The following SPON1 variants were observed in gnomAD, a reference collection of about 807,000 sequenced individuals.
SPON1 encodes the protein spondin 1.
SPON1 carries 52 observed loss-of-function variants against 111.7 expected under a neutral mutation model. The observed-to-expected ratio is 0.47, with a 90% CI of 0.37 to 0.59. SPON1 has a LOEUF of 0.59. Among genes scored for constraint, SPON1 ranks in the 20% least tolerant of loss-of-function variants. SPON1 has a pLI of 0.00. For synonymous variants in SPON1, 410 were observed against 395.8 expected, an observed-to-expected ratio of 1.04 and a Z score of -0.43; for missense variants, 957 against 1,068.5, an observed-to-expected ratio of 0.90 and a Z score of 1.46.
chr11:14,235,678 CAAAAAAAAA>C (rs56925967), intron 6 of SPON1, among the ~76,000 whole-genome samples: 32 of 71,388 alleles, frequency 4.5e-4, no homozygotes, highest in African/African-American at 1.4e-3. Context: ...GACCCTGCCT[CAAAAAAAAA>C]AAAAAAAAAA....
chr11:14,226,485 G>C (rs767713928), intron 6 of SPON1, among the ~76,000 whole-genome samples: 1 of 152,212 alleles, frequency 6.6e-6, no homozygotes, highest in African/African-American at 2.4e-5. Flanking sequence ...GTGGTTCACT[G>C]TTGCTGTCCA....
intron 2 of SPON1, among the ~76,000 whole-genome samples, chr11:13,993,722 C>G (rs1476427634): frequency 1.3e-5 from 2 of 152,186 alleles, no homozygotes; most frequent in Admixed American, 6.5e-5. Context: ...ACTATAAGAT[C>G]TACAGGGCAG....
intron 6 of SPON1, among the ~76,000 whole-genome samples, chr11:14,226,837 G>T (rs553963430): frequency 6.6e-6 from 1 of 152,174 alleles, no homozygotes; most frequent in Admixed American, 6.5e-5. Context: ...TACAAGCAGC[G>T]CTGGTTCCTT....
At chr11:14,050,975 G>A (rs1432721401) in intron 3 of SPON1, among the ~76,000 whole-genome samples, 3 of 152,200 alleles carry the variant, frequency 2.0e-5, no homozygotes, top group African/African-American at 4.8e-5. Flanking sequence ...CAGGCAAGAC[G>A]TGCATCATCC....
At chr11:14,053,514 A>G (rs542265360) in intron 3 of SPON1, among the ~76,000 whole-genome samples, 1 of 152,336 alleles carries the variant, frequency 6.6e-6, no homozygotes, top group African/African-American at 2.4e-5. Flanking sequence ...TCCCCATTGT[A>G]TGGATATACC....
intron 7 of SPON1, among the ~76,000 whole-genome samples, chr11:14,248,668 A>T (rs1404226541): frequency 6.6e-6 from 1 of 152,190 alleles, no homozygotes; most frequent in Non-Finnish European, 1.5e-5. Context: ...TGTTTTGCAG[A>T]AACAGCCTTG....
At chr11:14,101,970 C>G (rs1849147217) in intron 5 of SPON1, among the ~76,000 whole-genome samples, 1 of 152,172 alleles carries the variant, frequency 6.6e-6, no homozygotes, top group Admixed American at 6.5e-5. Flanking sequence ...CTTTATCATT[C>G]TCTCACCATA....
chr11:13,981,269 G>C (rs1554909594), intron 1 of SPON1, among the ~76,000 whole-genome samples: 1 of 152,132 alleles, frequency 6.6e-6, no homozygotes, highest in Non-Finnish European at 1.5e-5. Context: ...GGGTCCAATG[G>C]GATGGAGGAC....
intron 6 of SPON1, among the ~76,000 whole-genome samples, chr11:14,166,861 T>C (rs565749661): frequency 1.3e-5 from 2 of 152,102 alleles, no homozygotes; most frequent in Non-Finnish European, 2.9e-5. Flanking sequence ...TCCAGCATTA[T>C]TCATCAGAAT....
intron 6 of SPON1, among the ~76,000 whole-genome samples, chr11:14,187,588 G>A (rs1848298861): frequency 6.6e-6 from 1 of 152,060 alleles, no homozygotes; most frequent in Non-Finnish European, 1.5e-5. Context: ...CAGTTAGTTT[G>A]GGGTCCTAAA....
At chr11:14,180,477 T>C (rs1274851299) in intron 6 of SPON1, among the ~76,000 whole-genome samples, 1 of 152,240 alleles carries the variant, frequency 6.6e-6, no homozygotes, top group Non-Finnish European at 1.5e-5. Context: ...CCACTTGCAA[T>C]GCCCATTCCC....
At chr11:14,038,194 G>A (rs1186502016) in intron 2 of SPON1, among the ~76,000 whole-genome samples, 1 of 143,182 alleles carries the variant, frequency 7.0e-6, no homozygotes, top group Non-Finnish European at 1.5e-5. Context: ...GACTGGGCGT[G>A]GCAGCTCATG....
chr11:14,014,318 T>C (rs911232710), intron 2 of SPON1, among the ~76,000 whole-genome samples: 1 of 152,142 alleles, frequency 6.6e-6, no homozygotes, highest in Admixed American at 6.5e-5. Flanking sequence ...ACCACAGCAT[T>C]CCACAGATTC....
intron 2 of SPON1, among the ~76,000 whole-genome samples, chr11:14,002,494 G>A (rs1554912550): frequency 6.6e-6 from 1 of 152,150 alleles, no homozygotes. Flanking sequence ...AAGCTGATCT[G>A]CAGAGGGAAA....
At chr11:14,186,264 GAAT>G (rs1392887405) in intron 6 of SPON1, among the ~76,000 whole-genome samples, 1 of 152,218 alleles carries the variant, frequency 6.6e-6, no homozygotes, top group African/African-American at 2.4e-5. Context: ...ATTGTGAAAA[GAAT>G]AATTGCCAGA....
chr11:14,015,358 G>A lies in SPON1; in HGVS notation c.346-26163G>A, dbSNP rs575884654. Among the ~76,000 whole-genome samples the A allele has an allele frequency of 5.1e-4, 78 of 152,230 alleles. 1 individual carries two copies. The highest frequency in any genetic ancestry group is 1.9e-3 in the African/African-American group (77 of 41,532). Reference sequence around the variant, plus strand: ...GGGGACAAGCACTGTGTCCTCAGGTGGTAGAAGGGATAATATAAGCAGTTT... The same window carrying A: ...GGGGACAAGCACTGTGTCCTCAGGTAGTAGAAGGGATAATATAAGCAGTTT... On this transcript the variant is annotated intron_variant, in intron 2 of 15. Transcript: ENST00000576479.
chr11:14,199,256 G>A (rs1426992922), intron 6 of SPON1, among the ~76,000 whole-genome samples: 2 of 151,776 alleles, frequency 1.3e-5, no homozygotes, highest in Non-Finnish European at 2.9e-5. Flanking sequence ...ACTTTTGAGG[G>A]AAGTAACCAT....
At chr11:14,240,791 A>G (rs1009599020) in intron 6 of SPON1, among the ~76,000 whole-genome samples, 13 of 152,206 alleles carry the variant, frequency 8.5e-5, no homozygotes, top group African/African-American at 3.1e-4. Context: ...TATTTCTTCA[A>G]GAGCAAACAG....
intron 5 of SPON1, among the ~76,000 whole-genome samples, chr11:14,111,141 T>A (rs1161281435): frequency 6.6e-6 from 1 of 152,226 alleles, no homozygotes; most frequent in Non-Finnish European, 1.5e-5. Context: ...TATGCTTCCT[T>A]TAATCTATAA....
Sources: gnomAD v4.1 joint callset for allele counts (sites outside exome capture counted in the v4.1 genomes callset) on GRCh38, gnomAD v4.1.1 for gene constraint, MANE v1.5 for transcripts, NCBI Gene and HGNC (gene_info 2026-07-23, HGNC 2026-07-21) for gene names.